CLEC16A: variants seen among roughly 807,000 people sequenced by gnomAD.
CLEC16A encodes C-type lectin domain containing 16A.
Under a neutral mutation model 109.5 loss-of-function variants are expected in CLEC16A, and 51 were observed. The ratio of observed to expected loss-of-function variants is 0.47; its 90% confidence interval spans 0.37 to 0.59. CLEC16A has a LOEUF of 0.59. Among genes scored for constraint, CLEC16A ranks in the 20% least tolerant of loss-of-function variants. The pLI, the probability that CLEC16A is intolerant of heterozygous loss-of-function variation, is 0.00. For missense variants in CLEC16A, 1,339 were observed against 1,394.0 expected (o/e 0.96, Z 0.63); for synonymous variants, 673 against 564.2 (o/e 1.19, Z -2.73).
intron 3 of CLEC16A, among the ~76,000 whole-genome samples, chr16:10,968,139 C>T (rs1399361608): frequency 2.0e-5 from 3 of 152,190 alleles, no homozygotes; most frequent in East Asian, 3.8e-4. Context: ...AAAGGACAGG[C>T]GATGGGACAG....
At chr16:11,114,660 G>A (rs571842445) in intron 19 of CLEC16A, among the ~76,000 whole-genome samples, 1 of 152,120 alleles carries the variant, frequency 6.6e-6, no homozygotes, top group African/African-American at 2.4e-5. Context: ...AAGACCCCAT[G>A]GCAGTCCCAA....
intron 2 of CLEC16A, among the ~76,000 whole-genome samples, chr16:10,960,584 G>C (rs1248694683): frequency 6.6e-6 from 1 of 152,042 alleles, no homozygotes; most frequent in Non-Finnish European, 1.5e-5. Flanking sequence ...TAAAGCTACT[G>C]TCTTCTCCTT....
Position 11,022,816 on chromosome 16 carries a change from G to A in CLEC16A, c.1437-2005G>A, listed in dbSNP as rs187695242. On this transcript the variant is annotated intron_variant, in intron 12 of 23. Transcript: ENST00000409790. ...CAGGAGGCTGAGGCAGGAGAATGGC[G>A]TGAACCCGGGAGGCAGAGCTTGCAG... Among the ~76,000 whole-genome samples the A allele has an allele frequency of 8.3e-3, 1,259 of 151,516 alleles. 7 individuals carry two copies. The highest frequency in any genetic ancestry group is 0.012 in the Non-Finnish European group (804 of 67,866).
chr16:10,975,442 A>G (rs767193425), intron 7 of CLEC16A, among the ~76,000 whole-genome samples: 2 of 152,200 alleles, frequency 1.3e-5, no homozygotes, highest in Non-Finnish European at 2.9e-5. Flanking sequence ...TATTACTTTG[A>G]TATTTTTTAA....
intron 2 of CLEC16A, among the ~76,000 whole-genome samples, chr16:10,959,695 A>AT (rs771268992): frequency 0.019 from 2,815 of 148,444 alleles, 37 homozygotes; most frequent in Non-Finnish European, 0.028. Flanking sequence ...CCCAGCTGGA[A>AT]TTTTTTTTTT....
chr16:11,133,595 A>C (rs1366004775), intron 22 of CLEC16A, among the ~76,000 whole-genome samples: 1 of 152,168 alleles, frequency 6.6e-6, no homozygotes, highest in African/African-American at 2.4e-5. Flanking sequence ...CCGCCATCCA[A>C]AAAGGCAAAA....
At chr16:11,118,112 G>A (rs1270960718) in intron 19 of CLEC16A, among the ~76,000 whole-genome samples, 2 of 151,772 alleles carry the variant, frequency 1.3e-5, no homozygotes, top group Non-Finnish European at 2.9e-5. Context: ...GTAGCTGTGA[G>A]GCTAATTTTT....
At chr16:11,113,578 G>A (rs1248432674) in intron 19 of CLEC16A, among the ~76,000 whole-genome samples, 3 of 152,086 alleles carry the variant, frequency 2.0e-5, no homozygotes, top group Non-Finnish European at 4.4e-5. Flanking sequence ...AGGATCACTC[G>A]AGCCTGTGAG....
intron 13 of CLEC16A, among the ~76,000 whole-genome samples, chr16:11,028,874 A>G (rs758717129): frequency 3.9e-5 from 6 of 152,212 alleles, no homozygotes; most frequent in Non-Finnish European, 7.3e-5. Flanking sequence ...ATTTTAACAT[A>G]TGAGGTTCAT....
chr16:11,030,736 C>CAGAGTAG (rs1159704009), intron 13 of CLEC16A, among the ~76,000 whole-genome samples: 1 of 152,204 alleles, frequency 6.6e-6, no homozygotes, highest in Non-Finnish European at 1.5e-5. Context: ...CCTCCGCCTC[C>CAGAGTAG]CAGGTTCAAG....
chr16:11,026,962 G>A (rs576645119), intron 13 of CLEC16A: 144 of 1,407,814 alleles, frequency 1.0e-4, no homozygotes, highest in South Asian at 5.6e-4. Context: ...AGTAAACAGC[G>A]CGCGTGCTGT....
rs535529521 is a variant in CLEC16A at position 11,123,846 on chromosome 16, C to T, written c.2373C>T (p.Ala791=). 2.1e-5 allele frequency: 34 copies of T among 1,613,934 alleles called. No individual in the cohort carries two copies. Among genetic ancestry groups the T allele is most frequent in the Non-Finnish European group, 1.6e-5 (19 of 1,179,912 alleles). ...CCAAGCCCTTCCCCATCCTCCAGGC[C>T]ACCTTCATCTTCTCAGACCACATCC... ...PHSKPFPILQ[A]TFIFSDHIRC... is the part of the protein sequence containing the mutation. Residue 791 remains alanine, a synonymous_variant, in exon 21 of 24, where the codon GCC becomes GCT. Coordinates refer to ENST00000409790, the MANE Select transcript of CLEC16A (RefSeq NM_015226.3).
intron 13 of CLEC16A, among the ~76,000 whole-genome samples, chr16:11,026,186 G>T (rs984128646): frequency 2.0e-5 from 3 of 152,178 alleles, no homozygotes; most frequent in Non-Finnish European, 4.4e-5. Context: ...TCACCTAATA[G>T]AATGAATTGA....
At chr16:11,060,876 C>A in intron 18 of CLEC16A, 26 bp from the exon 19 acceptor site, 1 of 1,586,780 alleles carries the variant, frequency 6.3e-7, no homozygotes, top group Non-Finnish European at 8.6e-7. Flanking sequence ...TCTCACTCTT[C>A]TCTGCTCTCT....
At position 10,944,738 on chromosome 16, in the gene CLEC16A, C is replaced by G; in HGVS notation, c.21C>G (p.Ser7Arg). The stretch of plus-strand genomic sequence containing the variant: ...CCGACATGTTTGGCCGCTCGCGGAG[C>G]TGGGTGGGCGGGGGCCATGGCAAGA... MFGRSRSWVGGGHGKTS... is the reference protein window; with the variant it reads MFGRSRRWVGGGHGKTS... Residue 7 changes from serine to arginine, a missense_variant, in exon 1 of 24, where the codon AGC becomes AGG. Physicochemically the swap from Ser to Arg is moderately radical, Grantham distance 110. Coordinates refer to ENST00000409790, the MANE Select transcript of CLEC16A (RefSeq NM_015226.3). The G allele has an allele frequency of 6.2e-7, 1 of 1,608,824 alleles. No homozygotes were observed. Among genetic ancestry groups the G allele is most frequent in the Non-Finnish European group, 8.5e-7 (1 of 1,178,520 alleles).
In CLEC16A at chr16:11,126,060, C is replaced by A; in HGVS notation, c.2555C>A (p.Pro852His). 3 of 1,613,984 alleles carry A rather than the reference C, an allele frequency of 1.9e-6. No individual in the cohort carries two copies. The highest frequency in any genetic ancestry group is 2.2e-5 in the East Asian group (1 of 44,878). The change falls in exon 22 of 24, where the codon CCT (proline) becomes CAT (histidine). Residue 852 changes from proline to histidine, a missense_variant. Transcript: ENST00000409790. ...LGSSTSTQHLPFRFYDQGRRG... is the reference protein window; with the variant it reads ...LGSSTSTQHLHFRFYDQGRRG... ...TCCTCCACCTCCACTCAGCACCTGC[C>A]TTTCCGCTTCTACGACCAGGGGCGC...
chr16:10,956,676 C>T (rs1222081482), intron 1 of CLEC16A, among the ~76,000 whole-genome samples: 1 of 152,212 alleles, frequency 6.6e-6, no homozygotes, highest in Non-Finnish European at 1.5e-5. Context: ...TTCTTTTGGT[C>T]TCCCCCACCA....
At chr16:11,126,540 G>T (rs1377812862) in intron 22 of CLEC16A, 2 of 652,308 alleles carry the variant, frequency 3.1e-6, no homozygotes, top group South Asian at 2.4e-5. Context: ...CCCTGAAGAA[G>T]TGAGACTTCA....
intron 20 of CLEC16A, among the ~76,000 whole-genome samples, chr16:11,123,309 A>G (rs540497611): frequency 1.3e-5 from 2 of 152,232 alleles, no homozygotes; most frequent in Non-Finnish European, 2.9e-5. Flanking sequence ...TAAGGAAGAA[A>G]TTGATGAGTA....
Sources: allele counts gnomAD v4.1 joint callset (sites outside exome capture counted in the v4.1 genomes callset), GRCh38; gene constraint gnomAD v4.1.1; transcripts MANE v1.5; gene names NCBI Gene and HGNC (gene_info 2026-07-23, HGNC 2026-07-21).